Variants in EXT1 observed in about 807,000 individuals in gnomAD.
EXT1 encodes exostosin-1.
In EXT1, 20 loss-of-function variants were observed where a neutral mutation model predicts 82.5. The ratio of observed to expected loss-of-function variants is 0.24; its 90% CI spans 0.17 to 0.35. The LOEUF is 0.35. Among genes scored for constraint, EXT1 ranks in the 10% least tolerant of loss-of-function variants. EXT1 has a pLI of 1.00. For synonymous variants in EXT1, 348 were observed against 350.8 expected (o/e 0.99, Z 0.09); for missense variants, 757 against 936.5 (o/e 0.81, Z 2.50).
intron 8 of EXT1, among the ~76,000 whole-genome samples, chr8:117,810,150 G>A (rs1254775161): frequency 2.0e-5 from 3 of 152,186 alleles, no homozygotes; most frequent in South Asian, 2.1e-4. Flanking sequence ...TTTGAGCAGC[G>A]TCTGCAGCAA....
intron 3 of EXT1, among the ~76,000 whole-genome samples, chr8:117,831,204 C>T (rs28357257): frequency 0.25 from 37,656 of 152,102 alleles, 4,855 homozygotes; most frequent in East Asian, 0.49. Flanking sequence ...TTGCCTCTAG[C>T]AGCATTTACT....
intron 1 of EXT1, among the ~76,000 whole-genome samples, chr8:117,930,088 A>G (rs915876980): frequency 6.6e-6 from 1 of 151,372 alleles, no homozygotes; most frequent in East Asian, 1.9e-4. Flanking sequence ...TGGGCAACAG[A>G]GAGAGACTCC....
chr8:118,038,678 C>T (rs1010313412), intron 1 of EXT1, among the ~76,000 whole-genome samples: 3 of 152,168 alleles, frequency 2.0e-5, no homozygotes, highest in African/African-American at 7.2e-5. Context: ...GAAGGGCAGA[C>T]GTTACTTCTC....
intron 1 of EXT1, among the ~76,000 whole-genome samples, chr8:117,869,688 T>A (rs1812837612): frequency 6.6e-6 from 1 of 152,222 alleles, no homozygotes; most frequent in South Asian, 2.1e-4. Context: ...TAAATGCTAT[T>A]CCTGATTTTA....
chr8:117,907,003 C>A (rs2129980138), intron 1 of EXT1, among the ~76,000 whole-genome samples: 1 of 151,682 alleles, frequency 6.6e-6, no homozygotes, highest in Admixed American at 6.6e-5. Flanking sequence ...ATCTCCCTCA[C>A]CCCACGAAAT....
At chr8:118,099,232 T>C (rs1249214675) in intron 1 of EXT1, among the ~76,000 whole-genome samples, 2 of 152,214 alleles carry the variant, frequency 1.3e-5, no homozygotes, top group Non-Finnish European at 2.9e-5. Flanking sequence ...TTCTTGGGCA[T>C]TGGGCCAGCT....
chr8:118,091,521 G>A (rs1320789991), intron 1 of EXT1, among the ~76,000 whole-genome samples: 9 of 152,016 alleles, frequency 5.9e-5, no homozygotes, highest in Admixed American at 5.9e-4. Flanking sequence ...GGCGGATCAC[G>A]AGGTCAGGAG....
intron 4 of EXT1, among the ~76,000 whole-genome samples, chr8:117,822,957 C>A (rs753115079): frequency 2.0e-4 from 30 of 152,070 alleles, no homozygotes; most frequent in Admixed American, 5.2e-4. Flanking sequence ...AGGTTCCAGG[C>A]CCCTATCAAG....
chr8:118,107,384 G>C (rs1234238750), intron 1 of EXT1, among the ~76,000 whole-genome samples: 1 of 152,114 alleles, frequency 6.6e-6, no homozygotes, highest in Non-Finnish European at 1.5e-5. Flanking sequence ...CCCTGAAGCA[G>C]TCTGAAACCC....
At chr8:117,858,220 G>A (rs1388991484) in intron 1 of EXT1, among the ~76,000 whole-genome samples, 2 of 152,218 alleles carry the variant, frequency 1.3e-5, no homozygotes, top group African/African-American at 4.8e-5. Context: ...CAGGGGTTGA[G>A]AGGATTGACT....
chr8:118,017,987 A>C (rs956396342), intron 1 of EXT1, among the ~76,000 whole-genome samples: 1 of 152,242 alleles, frequency 6.6e-6, no homozygotes, highest in African/African-American at 2.4e-5. Context: ...AACTGTCAAG[A>C]AGGGGATTAT....
intron 1 of EXT1, among the ~76,000 whole-genome samples, chr8:118,066,465 T>C (rs1254246418): frequency 1.3e-5 from 2 of 151,908 alleles, no homozygotes; most frequent in African/African-American, 4.8e-5. Context: ...TTCAAGCGAT[T>C]CTCCTGCCTC....
At chr8:118,053,067 G>C (rs1326468344) in intron 1 of EXT1, among the ~76,000 whole-genome samples, 1 of 152,204 alleles carries the variant, frequency 6.6e-6, no homozygotes, top group Non-Finnish European at 1.5e-5. Flanking sequence ...GTGGTGGGGA[G>C]GAAATCCTAA....
At chr8:117,808,892 G>T (rs1411713116) in intron 8 of EXT1, among the ~76,000 whole-genome samples, 1 of 152,072 alleles carries the variant, frequency 6.6e-6, no homozygotes, top group Non-Finnish European at 1.5e-5. Flanking sequence ...TCAGTTCAGG[G>T]CCTGAATACA....
chr8:117,956,324 G>A (rs1280540334), intron 1 of EXT1, among the ~76,000 whole-genome samples: 1 of 152,152 alleles, frequency 6.6e-6, no homozygotes, highest in African/African-American at 2.4e-5. Context: ...AAAAGGATGT[G>A]AAACTTGAAT....
intron 1 of EXT1, among the ~76,000 whole-genome samples, chr8:118,085,144 G>C (rs150111275): frequency 7.9e-5 from 12 of 152,320 alleles, no homozygotes; most frequent in African/African-American, 2.9e-4. Flanking sequence ...AGTGTTTAGA[G>C]AGAGGTGGGT....
chr8:118,002,768 G>A (rs867900506), intron 1 of EXT1, among the ~76,000 whole-genome samples: 77 of 151,996 alleles, frequency 5.1e-4, no homozygotes, highest in South Asian at 2.1e-3. Flanking sequence ...TCCTGAACTC[G>A]TGATCCACCC....
chr8:117,897,657 C>G (rs577714794), intron 1 of EXT1, among the ~76,000 whole-genome samples: 3 of 145,582 alleles, frequency 2.1e-5, no homozygotes, highest in Admixed American at 6.9e-5. Flanking sequence ...TCCAACGGCC[C>G]GATCTCGGTT....
chr8:117,881,656 G>T (rs1813060622), intron 1 of EXT1, among the ~76,000 whole-genome samples: 1 of 152,212 alleles, frequency 6.6e-6, no homozygotes, highest in Non-Finnish European at 1.5e-5. Flanking sequence ...TTTCTGCAAA[G>T]ACTATATTGG....
Sources: allele counts gnomAD v4.1 joint callset (sites outside exome capture counted in the v4.1 genomes callset), GRCh38; gene constraint gnomAD v4.1.1; transcripts MANE v1.5; gene names NCBI Gene and HGNC (gene_info 2026-07-23, HGNC 2026-07-21).